SLC5A3: variants seen among roughly 807,000 people sequenced by gnomAD.
SLC5A3 encodes the protein sodium/myo-inositol cotransporter.
A neutral mutation model predicts 43.2 loss-of-function variants in SLC5A3; 10 were observed. The ratio of observed to expected loss-of-function variants is 0.23; its 90% CI spans 0.14 to 0.39. SLC5A3 has a LOEUF of 0.39. Among genes scored for constraint, SLC5A3 ranks in the 10% least tolerant of loss-of-function variants. The pLI, the probability that SLC5A3 is intolerant of heterozygous loss-of-function variation, is 1.00. For synonymous variants in SLC5A3, 349 were observed against 322.0 expected, an observed-to-expected ratio of 1.08 and a Z score of -0.90; for missense variants, 608 against 893.4, an observed-to-expected ratio of 0.68 and a Z score of 4.07.
At position 34,105,957 on chromosome 21, in the gene SLC5A3, T is replaced by C. The variant is rs1979457275; in HGVS notation, c.*8602T>C. 1.0e-6 allele frequency: 1 copy of C among 993,154 alleles called. No individual in the cohort carries two copies. The highest frequency in any genetic ancestry group is 1.7e-5 in the African/African-American group (1 of 57,216). 61.5% of individuals were successfully genotyped at this position (993,154 alleles called of 1,614,324 possible). A position where few individuals can be genotyped will look rare whatever the true frequency, so the allele number is the denominator to read the frequency against. ...ATCTGATTTTTTAAAATTGTAAACA[T>C]GTATGATCTTGGTTTCATGTGTTTT... is the stretch of plus-strand genomic sequence containing the variant. On this transcript the variant is annotated 3_prime_UTR_variant, in exon 2 of 2. Transcript: ENST00000381151.
intron 1 of SLC5A3, among the ~76,000 whole-genome samples, chr21:34,081,853 C>CTAAGTTTATTTCATCA (rs1989466126): frequency 6.6e-6 from 1 of 152,074 alleles, no homozygotes; most frequent in African/African-American, 2.4e-5. Context: ...CTTATTATAT[C>CTAAGTTTATTTCATCA]TAAGTTTATT....
chr21:34,105,318 T>C lies in SLC5A3; in HGVS notation c.*7963T>C. 1 of 1,000,014 alleles carries C rather than the reference T, an allele frequency of 1.0e-6. No homozygotes were observed. 61.9% of individuals were successfully genotyped at this position (1,000,014 alleles called of 1,614,324 possible). A position where few individuals can be genotyped will look rare whatever the true frequency, so the allele number is the denominator to read the frequency against. ...CTTCTCAGTGCTTTCTTTTTTCTTT[T>C]TGATAAGATGGATATCAAAAATAGT... On this transcript the variant is annotated 3_prime_UTR_variant, in exon 2 of 2. Transcript: ENST00000381151.
Position 34,099,677 on chromosome 21 carries a change from G to C in SLC5A3, c.*2322G>C. ...ATTAGGGTCCCTCTACCTTCTTTCT[G>C]CTCTTGTCTTAGTAAGATACATAAG... On this transcript the variant is annotated 3_prime_UTR_variant, in exon 2 of 2. Transcript: ENST00000381151. 1.0e-6 allele frequency: 1 copy of C among 997,656 alleles called. No homozygotes were observed. Among genetic ancestry groups the C allele is most frequent in the South Asian group, 4.7e-5 (1 of 21,254 alleles). 61.8% of individuals were successfully genotyped at this position (997,656 alleles called of 1,614,324 possible).
intron 1 of SLC5A3, among the ~76,000 whole-genome samples, chr21:34,092,489 CTA>C (rs1284380293): frequency 1.3e-5 from 2 of 152,176 alleles, no homozygotes. Context: ...TGTTAGGGTA[CTA>C]TTTGGTACCT....
Position 34,104,848 on chromosome 21 carries a change from T to C in SLC5A3, c.*7493T>C. ...CCTTTACATGTTTTTAAATTTAAGATAGTTTGTAAGAACTGTACAAAAAAA... is the reference window on the plus strand; with the variant it reads ...CCTTTACATGTTTTTAAATTTAAGACAGTTTGTAAGAACTGTACAAAAAAA... On this transcript the variant is annotated 3_prime_UTR_variant, in exon 2 of 2. Transcript: ENST00000381151. 1 of 999,938 alleles carries C rather than the reference T, an allele frequency of 1.0e-6. No homozygotes were observed. Among genetic ancestry groups the C allele is most frequent in the South Asian group, 4.7e-5 (1 of 21,290 alleles). 61.9% of individuals were successfully genotyped at this position (999,938 alleles called of 1,614,324 possible). A position where few individuals can be genotyped will look rare whatever the true frequency, so the allele number is the denominator to read the frequency against.
Position 34,097,488 on chromosome 21 carries a change from C to A in SLC5A3, c.*133C>A. 7.0e-7 allele frequency: 1 copy of A among 1,432,694 alleles called. No individual in the cohort carries two copies. The highest frequency in any genetic ancestry group is 9.2e-7 in the Non-Finnish European group (1 of 1,092,430). The allele number at this position is 1,432,694 out of a possible 1,614,324, so 88.7% of individuals were successfully genotyped here. A position where few individuals can be genotyped will look rare whatever the true frequency, so the allele number is the denominator to read the frequency against. On this transcript the variant is annotated 3_prime_UTR_variant, in exon 2 of 2. Transcript: ENST00000381151. ...AGCCAAATTTTACTTAGCAGAAAAT[C>A]ATCTAATTACAAGACTTTATTTTCC...
Position 34,099,693 on chromosome 21 carries a change from GAT to G in SLC5A3, c.*2340_*2341del, listed in dbSNP as rs1569418037. On this transcript the variant is annotated 3_prime_UTR_variant, in exon 2 of 2. Transcript: ENST00000381151. ...CTTCTTTCTGCTCTTGTCTTAGTAA[GAT>G]ACATAAGGTACATCATCTTGTGTCT... 1 of 997,862 alleles carries G rather than the reference GAT, an allele frequency of 1.0e-6. No homozygotes were observed. The highest frequency in any genetic ancestry group is 1.2e-6 in the Non-Finnish European group (1 of 829,614). 61.8% of individuals were successfully genotyped at this position (997,862 alleles called of 1,614,324 possible). A position where few individuals can be genotyped will look rare whatever the true frequency, so the allele number is the denominator to read the frequency against.
rs959142526 is a variant in SLC5A3, at chr21:34,093,292, G to A, written c.-336-1571G>A. 2.6e-4 allele frequency among the ~76,000 whole-genome samples: 38 copies of A among 148,588 alleles called. 1 individual carries two copies. Among genetic ancestry groups the A allele is most frequent in the African/African-American group, 9.0e-4 (36 of 40,108 alleles). On this transcript the variant is annotated intron_variant, in intron 1 of 1. Coordinates refer to ENST00000381151, the MANE Select transcript of SLC5A3 (RefSeq NM_006933.7). ...GCAATCAATCTTATTTATGCCAGCC[G>A]TTGACACTTAGAAAGGATTTAAATC...
intron 1 of SLC5A3, among the ~76,000 whole-genome samples, chr21:34,085,755 A>G (rs551522476): frequency 5.3e-5 from 8 of 152,120 alleles, no homozygotes; most frequent in Admixed American, 2.0e-4. Flanking sequence ...GGCGCCCGCC[A>G]CCGCACCCAG....
intron 1 of SLC5A3, among the ~76,000 whole-genome samples, chr21:34,078,144 T>C (rs1328561397): frequency 6.6e-6 from 1 of 151,996 alleles, no homozygotes; most frequent in African/African-American, 2.4e-5. Flanking sequence ...TCAAGTGGTC[T>C]TTTTTTTCTT....
rs901761326 is a variant in SLC5A3 at position 34,104,963 on chromosome 21, G to A, written c.*7608G>A. 5.0e-6 allele frequency: 5 copies of A among 999,270 alleles called. No homozygotes were observed. The highest frequency in any genetic ancestry group is 9.4e-5 in the South Asian group (2 of 21,268). 61.9% of individuals were successfully genotyped at this position (999,270 alleles called of 1,614,324 possible). A position where few individuals can be genotyped will look rare whatever the true frequency, so the allele number is the denominator to read the frequency against. Reference sequence around the variant, plus strand: ...TTAGCCTAGGTGAAAAGTAGTCCTAGCAGTGTAAATATGTATAATTAGAGT... The same window carrying A: ...TTAGCCTAGGTGAAAAGTAGTCCTAACAGTGTAAATATGTATAATTAGAGT... On this transcript the variant is annotated 3_prime_UTR_variant, in exon 2 of 2. Transcript: ENST00000381151.
At chr21:34,092,225 G>A (rs1041625257) in intron 1 of SLC5A3, among the ~76,000 whole-genome samples, 2 of 152,174 alleles carry the variant, frequency 1.3e-5, no homozygotes, top group African/African-American at 4.8e-5. Context: ...TGTGACTAGA[G>A]TGTAAAATAT....
Position 34,095,694 on chromosome 21 carries a change from A to C in SLC5A3, c.496A>C (p.Ile166Leu), listed in dbSNP as rs1978932560. Residue 166 changes from isoleucine to leucine, a missense_variant, in exon 2 of 2, where the codon ATT becomes CTT. Physicochemically the swap from Ile to Leu is conservative, Grantham distance 5. Transcript: ENST00000381151. ...WNLYVSVILL[I>L]GMTALLTVTG... Reference sequence around the variant, plus strand: ...TCTTTATGTGTCTGTCATCCTGCTCATTGGCATGACTGCTTTGCTGACTGT... The same window carrying C: ...TCTTTATGTGTCTGTCATCCTGCTCCTTGGCATGACTGCTTTGCTGACTGT... 1 of 1,613,528 alleles carries C rather than the reference A, an allele frequency of 6.2e-7. No homozygotes were observed. Among genetic ancestry groups the C allele is most frequent in the African/African-American group, 1.3e-5 (1 of 74,714 alleles).
intron 1 of SLC5A3, among the ~76,000 whole-genome samples, chr21:34,092,779 A>G (rs77389469): frequency 9.3e-4 from 141 of 152,286 alleles, no homozygotes; most frequent in Middle Eastern, 3.4e-3. Context: ...CCCAACGGCC[A>G]GATGAAACCA....
At position 34,096,365 on chromosome 21, in the gene SLC5A3, A is replaced by G. The variant is rs764549539; in HGVS notation, c.1167A>G (p.Ile389Met). ...LDSIFNSASTIFTLDVYKLIR... is the reference protein window; with the variant it reads ...LDSIFNSASTMFTLDVYKLIR... ...CTATCTTTAACAGTGCCAGTACCATATTCACCCTCGATGTGTACAAACTTA... is the reference window on the plus strand; with the variant it reads ...CTATCTTTAACAGTGCCAGTACCATGTTCACCCTCGATGTGTACAAACTTA... Residue 389 changes from isoleucine (I) to methionine (M), a missense_variant, in exon 2 of 2, where the codon ATA becomes ATG. This residue lies in a region of SLC5A3 where 398 missense variants were observed against 668.6 expected (regional missense o/e 0.60). Coordinates refer to ENST00000381151, the MANE Select transcript of SLC5A3 (RefSeq NM_006933.7). The surrounding 1 kb of genome is among the most constrained non-coding windows in gnomAD (Gnocchi z 5.9). The G allele has an allele frequency of 3.1e-6, 5 of 1,614,160 alleles. No homozygotes were observed. In the South Asian group the frequency reaches 5.5e-5, roughly 18 times the overall value.
intron 1 of SLC5A3, among the ~76,000 whole-genome samples, chr21:34,074,017 G>T (rs1484391083): frequency 8.2e-5 from 12 of 146,880 alleles, no homozygotes; most frequent in Non-Finnish European, 1.2e-4. Context: ...CGGGCGGGGG[G>T]CGGGGCGGAC....
rs11433558 is a variant in SLC5A3 at position 34,103,315 on chromosome 21, TAA to T, written c.*5975_*5976del. The T allele has an allele frequency of 2.0e-3, 1,793 of 902,226 alleles. No individual in the cohort carries two copies. The highest frequency in any genetic ancestry group is 2.1e-3 in the Non-Finnish European group (1,611 of 750,838). The allele number at this position is 902,226 out of a possible 1,614,324, so 55.9% of individuals were successfully genotyped here. A position where few individuals can be genotyped will look rare whatever the true frequency, so the allele number is the denominator to read the frequency against. ...ATTTTGTCGTAACTAGTGAAGGAAG[TAA>T]AAAAAAAAAAAAAACATGCATTACA... On this transcript the variant is annotated 3_prime_UTR_variant, in exon 2 of 2. Coordinates refer to ENST00000381151, the MANE Select transcript of SLC5A3 (RefSeq NM_006933.7).
intron 1 of SLC5A3, among the ~76,000 whole-genome samples, chr21:34,083,328 A>G (rs1284296703): frequency 1.3e-5 from 2 of 152,188 alleles, no homozygotes; most frequent in African/African-American, 2.4e-5. Flanking sequence ...GAATCAGTGT[A>G]AGTTCCAGAT....
At chr21:34,092,588 G>C (rs567993958) in intron 1 of SLC5A3, among the ~76,000 whole-genome samples, 9 of 152,318 alleles carry the variant, frequency 5.9e-5, no homozygotes, top group Admixed American at 3.9e-4. Context: ...TCATCAGGCA[G>C]CAGAATATAG....
Sources: allele counts gnomAD v4.1 joint callset (sites outside exome capture counted in the v4.1 genomes callset), GRCh38; gene constraint gnomAD v4.1.1; regional missense constraint gnomAD v4.1.1; non-coding constraint Gnocchi (gnomAD v3.1); transcripts MANE v1.5; gene names NCBI Gene and HGNC (gene_info 2026-07-23, HGNC 2026-07-21).